The following ADGRB1 variants were observed in gnomAD, a reference collection of about 807,000 sequenced individuals.
The protein encoded by ADGRB1 is adhesion G protein-coupled receptor B1.
ADGRB1 carries 36 observed loss-of-function variants against 175.7 expected under a neutral mutation model. That is an observed-to-expected ratio of 0.20 (90% CI 0.16 to 0.27). The LOEUF (loss-of-function observed/expected upper bound fraction) is 0.27. Ranked by LOEUF, ADGRB1 falls within the 10% of genes least tolerant of loss-of-function variation. The pLI is 1.00. For synonymous variants in ADGRB1, 1,054 were observed against 979.4 expected, an observed-to-expected ratio of 1.08 and a Z score of -1.42; for missense variants, 1,731 against 2,255.3, an observed-to-expected ratio of 0.77 and a Z score of 4.71.
chr8:142,529,707 C>T (rs1441431182), intron 24 of ADGRB1, among the ~76,000 whole-genome samples: 1 of 150,628 alleles, frequency 6.6e-6, no homozygotes, highest in South Asian at 2.1e-4. Context: ...TACCTGTGAG[C>T]GTGCATCTAT....
In ADGRB1 at chr8:142,481,549, G is replaced by A; in HGVS notation, c.1968G>A (p.Gly656=). 1 of 1,593,940 alleles carries A rather than the reference G, an allele frequency of 6.3e-7. No homozygotes were observed. Residue 656 remains glycine (G), a synonymous_variant, in exon 11 of 31, where the codon GGG becomes GGA. Transcript: ENST00000517894. ...AGCACCTGGCCAAGGCTCAGCGAGG[G>A]CTGCCTGGGGAGGGGGTCTCGGAGG... The part of the protein sequence containing the change: ...TREHLAKAQR[G]LPGEGVSEVI...
chr8:142,528,988 G>C (rs566393304), intron 24 of ADGRB1, among the ~76,000 whole-genome samples: 1 of 152,230 alleles, frequency 6.6e-6, no homozygotes, highest in African/African-American at 2.4e-5. Flanking sequence ...TGCAAGCTGT[G>C]GTTTCTTGCT....
chr8:142,528,264 G>A (rs539417065), intron 24 of ADGRB1, among the ~76,000 whole-genome samples: 17 of 152,330 alleles, frequency 1.1e-4, no homozygotes, highest in South Asian at 8.3e-4. Context: ...GAATTTTGCC[G>A]CTTTGTGCAG....
rs879290013 is a variant in ADGRB1 at position 142,492,065 on chromosome 8, C to T, written c.2675+1250C>T. 5.3e-5 allele frequency among the ~76,000 whole-genome samples: 8 copies of T among 151,994 alleles called. No homozygotes were observed. The highest frequency in any genetic ancestry group is 1.3e-4 in the Admixed American group (2 of 15,264). On this transcript the variant is annotated intron_variant, in intron 17 of 30. Coordinates refer to ENST00000517894, the MANE Select transcript of ADGRB1 (RefSeq NM_001702.3). The surrounding 1 kb of genome is among the most constrained non-coding windows in gnomAD (Gnocchi z 4.4). ...CTGGGTGTCATGACTCTCCACCTAC[C>T]CACCACCCATCCACCCTCTCCTCTG...
chr8:142,529,778 G>A (rs770127293), intron 24 of ADGRB1, among the ~76,000 whole-genome samples: 1 of 150,272 alleles, frequency 6.7e-6, no homozygotes, highest in East Asian at 2.0e-4. Context: ...GTGGACGTGT[G>A]AGGATGCATC....
intron 2 of ADGRB1, among the ~76,000 whole-genome samples, chr8:142,475,134 A>G (rs1235060726): frequency 6.6e-6 from 1 of 152,166 alleles, no homozygotes; most frequent in Non-Finnish European, 1.5e-5. Context: ...CTTGGAGGCC[A>G]GGCCCCTCTA....
chr8:142,504,909 T>TC lies in ADGRB1; in HGVS notation c.2676-6023_2676-6022insC, dbSNP rs1842779957. 6.6e-6 allele frequency among the ~76,000 whole-genome samples: 1 copy of TC among 152,038 alleles called. No individual in the cohort carries two copies. The highest frequency in any genetic ancestry group is 6.5e-5 in the Admixed American group (1 of 15,276). On this transcript the variant is annotated intron_variant, in intron 17 of 30. Coordinates refer to ENST00000517894, the MANE Select transcript of ADGRB1 (RefSeq NM_001702.3). The surrounding 1 kb of genome is among the most constrained non-coding windows in gnomAD (Gnocchi z 5.6). ...GTGCCCACTCCTGGCTTCTTTCTGT[T>TC]ATGTGGGAGGACACCCTGTGAGTCA... is the stretch of plus-strand genomic sequence containing the variant.
In ADGRB1 at chr8:142,522,721, G is replaced by A; in HGVS notation, c.3245+11G>A. The A allele has an allele frequency of 6.7e-7, 1 of 1,498,762 alleles. No homozygotes were observed. Among genetic ancestry groups the A allele is most frequent in the Non-Finnish European group, 8.9e-7 (1 of 1,126,936 alleles). 92.8% of individuals were successfully genotyped at this position (1,498,762 alleles called of 1,614,324 possible). A position where few individuals can be genotyped will look rare whatever the true frequency, so the allele number is the denominator to read the frequency against. ...CAGCACCATGAACTAGTGAGTCGGGGCATTGGGGGTGTGGTGGATGGCCAC... is the reference window on the plus strand; with the variant it reads ...CAGCACCATGAACTAGTGAGTCGGGACATTGGGGGTGTGGTGGATGGCCAC... On this transcript the variant is annotated intron_variant, in intron 22 of 30. Coordinates refer to ENST00000517894, the MANE Select transcript of ADGRB1 (RefSeq NM_001702.3).
intron 22 of ADGRB1, among the ~76,000 whole-genome samples, chr8:142,523,326 A>AGGG (rs56007850): frequency 0.24 from 36,094 of 151,462 alleles, 4,384 homozygotes; most frequent in Admixed American, 0.31. Context: ...CCGAGGCTTG[A>AGGG]AGGGAGGGCC....
chr8:142,457,074 G>C (rs1436536559), intron 1 of ADGRB1, among the ~76,000 whole-genome samples: 1 of 152,196 alleles, frequency 6.6e-6, no homozygotes, highest in African/African-American at 2.4e-5. Context: ...AGGTGGCTTG[G>C]GGTGATGAGC....
chr8:142,506,739 A>C (rs1842871105), intron 17 of ADGRB1, among the ~76,000 whole-genome samples: 1 of 152,130 alleles, frequency 6.6e-6, no homozygotes, highest in African/African-American at 2.4e-5. Context: ...TTGTTGAAAG[A>C]GGGAGGTCTG....
At chr8:142,541,742 C>T (rs1035021655) in intron 27 of ADGRB1, among the ~76,000 whole-genome samples, 199 bp from the exon 28 acceptor site, 3 of 152,176 alleles carry the variant, frequency 2.0e-5, no homozygotes, top group African/African-American at 7.2e-5. Flanking sequence ...ACACAGGAAC[C>T]CTAGGGGCCG....
chr8:142,516,164 G>T (rs990751258), intron 18 of ADGRB1, among the ~76,000 whole-genome samples: 4 of 151,238 alleles, frequency 2.6e-5, no homozygotes, highest in African/African-American at 9.7e-5. Flanking sequence ...GTGTGCGTGT[G>T]TGGGAGCCCC....
chr8:142,534,466 G>A (rs1255981210), intron 25 of ADGRB1, among the ~76,000 whole-genome samples: 1 of 152,234 alleles, frequency 6.6e-6, no homozygotes, highest in African/African-American at 2.4e-5. Context: ...GGAAGTGGAT[G>A]TGCTGAGCCT....
intron 17 of ADGRB1, among the ~76,000 whole-genome samples, chr8:142,507,648 G>A (rs1306843616): frequency 6.6e-6 from 1 of 152,212 alleles, no homozygotes; most frequent in Non-Finnish European, 1.5e-5. Context: ...CCTGCAGACT[G>A]GCCAGTGCGG....
chr8:142,481,472 A>G (rs1233751649), intron 10 of ADGRB1, 45 bp from the exon 11 acceptor site: 1 of 1,577,260 alleles, frequency 6.3e-7, no homozygotes, highest in Non-Finnish European at 8.6e-7. Flanking sequence ...CTGCCTGGAC[A>G]TGTTCCACAG....
At chr8:142,526,903 C>G (rs887848387) in intron 24 of ADGRB1, among the ~76,000 whole-genome samples, 4 of 152,232 alleles carry the variant, frequency 2.6e-5, no homozygotes, top group South Asian at 2.1e-4. Context: ...GACACCCCGC[C>G]TCTGCCTGGC....
chr8:142,460,536 A>AC (rs920703617), intron 1 of ADGRB1, among the ~76,000 whole-genome samples: 2 of 151,890 alleles, frequency 1.3e-5, no homozygotes, highest in South Asian at 2.1e-4. Context: ...CTCTCCCCAC[A>AC]CCCCCCTGAC....
chr8:142,529,321 C>A (rs181781116), intron 24 of ADGRB1, among the ~76,000 whole-genome samples: 3 of 151,906 alleles, frequency 2.0e-5, no homozygotes, highest in Admixed American at 2.0e-4. Context: ...AGAGCATGAC[C>A]AGGTGTGTGC....
Sources: gnomAD v4.1 joint callset for allele counts (sites outside exome capture counted in the v4.1 genomes callset) on GRCh38, gnomAD v4.1.1 for gene constraint, Gnocchi (gnomAD v3.1) non-coding constraint, MANE v1.5 for transcripts, NCBI Gene and HGNC (gene_info 2026-07-23, HGNC 2026-07-21) for gene names.